SEMA7A: variants seen among roughly 807,000 people sequenced by gnomAD.
SEMA7A encodes the protein semaphorin-7A.
SEMA7A carries 21 observed loss-of-function variants against 67.5 expected under a neutral mutation model. The observed-to-expected ratio is 0.31, with a 90% CI of 0.22 to 0.45. The LOEUF (loss-of-function observed/expected upper bound fraction) is 0.45. SEMA7A is among the 20% of genes least tolerant of loss of function. The pLI is 1.00. For missense variants in SEMA7A, 774 were observed against 908.6 expected, an observed-to-expected ratio of 0.85 and a Z score of 1.90; for synonymous variants, 364 against 368.5, an observed-to-expected ratio of 0.99 and a Z score of 0.14.
chr15:74,426,804 T>C (rs937182283), intron 1 of SEMA7A, among the ~76,000 whole-genome samples: 1 of 152,170 alleles, frequency 6.6e-6, no homozygotes, highest in Admixed American at 6.5e-5. Context: ...GCTCTGAAGC[T>C]GACCACAGTG....
chr15:74,415,707 A>G, intron 8 of SEMA7A, 94 bp downstream of exon 8: 1 of 1,285,408 alleles, frequency 7.8e-7, no homozygotes, highest in South Asian at 1.5e-5. Context: ...TGCTCCTGCC[A>G]CACCAGGGAG....
chr15:74,411,537 G>A lies in SEMA7A; in HGVS notation c.1577+19C>T, dbSNP rs1345079184. The A allele has an allele frequency of 6.5e-7, 1 of 1,546,006 alleles. No homozygotes were observed. Among genetic ancestry groups the A allele is most frequent in the Non-Finnish European group, 8.7e-7 (1 of 1,144,348 alleles). ...CATGCCCACCTTCTCCCAGGGACGAGGGATCCCGGCCAACGTACCGTTCGG... is the reference window on the plus strand; with the variant it reads ...CATGCCCACCTTCTCCCAGGGACGAAGGATCCCGGCCAACGTACCGTTCGG... On this transcript the variant is annotated intron_variant, in intron 12 of 13. Coordinates refer to ENST00000261918, the MANE Select transcript of SEMA7A (RefSeq NM_003612.5). The surrounding 1 kb of genome is among the most constrained non-coding windows in gnomAD (Gnocchi z 4.4).
Position 74,417,385 on chromosome 15 carries a change from CG to C in SEMA7A, c.610del (p.Arg204AlafsTer82), listed in dbSNP as rs769164407. On this transcript the variant is annotated frameshift_variant, in exon 6 of 14. Transcript: ENST00000261918. LOFTEE classifies it high-confidence loss of function. The stretch of plus-strand genomic sequence containing the variant: ...CAGCTCACTCTCGCCCCGGATGCGG[CG>C]GAACCGAGGGATCTTCCCATTGTAT... ...QEYNGKIPRF[R>X]RIRGESELYT... The C allele has an allele frequency of 6.2e-7, 1 of 1,614,062 alleles. No individual in the cohort carries two copies. The highest frequency in any genetic ancestry group is 8.5e-7 in the Non-Finnish European group (1 of 1,180,008).
chr15:74,424,849 T>C (rs932583790), intron 1 of SEMA7A, among the ~76,000 whole-genome samples: 2 of 152,074 alleles, frequency 1.3e-5, no homozygotes, highest in Non-Finnish European at 2.9e-5. Flanking sequence ...GCCCAGCAGG[T>C]TCCAAAAGCC....
At chr15:74,418,561 G>A (rs1216670080) in intron 2 of SEMA7A, among the ~76,000 whole-genome samples, 5 of 152,154 alleles carry the variant, frequency 3.3e-5, no homozygotes, top group Admixed American at 6.5e-5. Context: ...TGGGCTTTCC[G>A]CAGCAGCGCT....
chr15:74,415,216 C>T (rs1248291121), intron 8 of SEMA7A, among the ~76,000 whole-genome samples: 1 of 152,188 alleles, frequency 6.6e-6, no homozygotes, highest in African/African-American at 2.4e-5. Flanking sequence ...ATAGGCTGAG[C>T]AGTTCTCTAG....
chr15:74,422,869 C>T (rs1008956229), intron 1 of SEMA7A, among the ~76,000 whole-genome samples: 14 of 152,358 alleles, frequency 9.2e-5, no homozygotes, highest in African/African-American at 3.4e-4. Context: ...CCGTCTGGCC[C>T]GCTGTCCCCA....
At chr15:74,428,582 C>T (rs1402089547) in intron 1 of SEMA7A, among the ~76,000 whole-genome samples, 1 of 152,210 alleles carries the variant, frequency 6.6e-6, no homozygotes, top group Non-Finnish European at 1.5e-5. Context: ...AGCCTCCTTT[C>T]TGGGCAGAAA....
chr15:74,411,336 T>C lies in SEMA7A; in HGVS notation c.1598A>G (p.Asn533Ser). 1 of 1,613,916 alleles carries C rather than the reference T, an allele frequency of 6.2e-7. No individual in the cohort carries two copies. Residue 533 changes from asparagine (N) to serine (S), a missense_variant, in exon 13 of 14, where the codon AAT becomes AGT. This residue lies in a region of SEMA7A where 427 missense variants were observed against 555.4 expected (regional missense o/e 0.77). Coordinates refer to ENST00000261918, the MANE Select transcript of SEMA7A (RefSeq NM_003612.5). The surrounding 1 kb of genome is among the most constrained non-coding windows in gnomAD (Gnocchi z 4.4). ...ACACTCCTTGTGTGGCTCGGCTGGA[T>C]TAATGGATTGCAGCACTGACCTGGA... Reference protein sequence around the residue: ...SSERSVLQSINPAEPHKECPN... With the variant: ...SSERSVLQSISPAEPHKECPN...
chr15:74,419,960 G>A (rs980683713), intron 1 of SEMA7A, among the ~76,000 whole-genome samples: 1 of 152,192 alleles, frequency 6.6e-6, no homozygotes, highest in East Asian at 1.9e-4. Context: ...GGGATGGCCT[G>A]TGGTTGTGCC....
In SEMA7A at chr15:74,411,601, C is replaced by T. The variant is rs1453479603; in HGVS notation, c.1532G>A (p.Cys511Tyr). 1 of 1,600,364 alleles carries T rather than the reference C, an allele frequency of 6.2e-7. No homozygotes were observed. Among genetic ancestry groups the T allele is most frequent in the Non-Finnish European group, 8.5e-7 (1 of 1,172,704 alleles). ...HGCLMSRDPYCGWDQGRCISI... is the reference protein window; with the variant it reads ...HGCLMSRDPYYGWDQGRCISI... ...GATGCAGCGGCCTTGGTCCCAGCCGCAGTAGGGGTCTCGGGACATGAGGCA... is the reference window on the plus strand; with the variant it reads ...GATGCAGCGGCCTTGGTCCCAGCCGTAGTAGGGGTCTCGGGACATGAGGCA... The change falls in exon 12 of 14, where the codon TGC becomes TAC. Residue 511 changes from cysteine (C) to tyrosine (Y), a missense_variant. Physicochemically the swap from Cys to Tyr is radical, Grantham distance 194. Transcript: ENST00000261918. This position sits in a 1 kb window ranked among gnomAD's most constrained non-coding sequence, Gnocchi z 4.4.
chr15:74,415,023 G>C, intron 8 of SEMA7A, 77 bp from the exon 9 acceptor site: 2 of 1,238,706 alleles, frequency 1.6e-6, no homozygotes, highest in Non-Finnish European at 2.3e-6. Flanking sequence ...GGCCAGCCTT[G>C]TGCCTGGCAC....
In SEMA7A at chr15:74,411,843, A is replaced by C. The variant is rs2060903396; in HGVS notation, c.1422+42T>G. On this transcript the variant is annotated intron_variant, in intron 11 of 13. Transcript: ENST00000261918. This position sits in a 1 kb window ranked among gnomAD's most constrained non-coding sequence, Gnocchi z 4.4. ...GCAAAGGAGCCCTGTCCTCAGCTGC[A>C]GTCACTGCATAGCCCATGGGACGCA... 6.2e-7 allele frequency: 1 copy of C among 1,610,840 alleles called. No individual in the cohort carries two copies. Among genetic ancestry groups the C allele is most frequent in the Non-Finnish European group, 8.5e-7 (1 of 1,178,536 alleles).
In SEMA7A at chr15:74,423,747, A is replaced by C. The variant is rs929508225; in HGVS notation, c.179-4795T>G. ...AATGGTGGAAGTGTAGGTGCCGTGC[A>C]TGTCAGAGTGGTAGAGGAAACCCTT... On this transcript the variant is annotated intron_variant, in intron 1 of 13. Coordinates refer to ENST00000261918, the MANE Select transcript of SEMA7A (RefSeq NM_003612.5). This position sits in a 1 kb window ranked among gnomAD's most constrained non-coding sequence, Gnocchi z 4.1. Among the ~76,000 whole-genome samples the C allele has an allele frequency of 9.2e-5, 14 of 152,186 alleles. No individual in the cohort carries two copies. Among genetic ancestry groups the C allele is most frequent in the Admixed American group, 8.5e-4 (13 of 15,282 alleles).
At chr15:74,413,906 G>A (rs947558984) in intron 10 of SEMA7A, among the ~76,000 whole-genome samples, 7 of 152,142 alleles carry the variant, frequency 4.6e-5, no homozygotes, top group Admixed American at 1.3e-4. Flanking sequence ...GGGAAGCTGC[G>A]ACAAACCCAA....
At chr15:74,427,771 G>A (rs2061055198) in intron 1 of SEMA7A, among the ~76,000 whole-genome samples, 1 of 152,140 alleles carries the variant, frequency 6.6e-6, no homozygotes, top group Non-Finnish European at 1.5e-5. Context: ...CTCACCTCCT[G>A]TCACAGTCCT....
chr15:74,422,790 C>T (rs925169165), intron 1 of SEMA7A, among the ~76,000 whole-genome samples: 1 of 152,228 alleles, frequency 6.6e-6, no homozygotes, highest in African/African-American at 2.4e-5. Context: ...GGGCCTCTGG[C>T]ATGCATTTCC....
At chr15:74,426,306 G>A (rs961490941) in intron 1 of SEMA7A, among the ~76,000 whole-genome samples, 1 of 151,980 alleles carries the variant, frequency 6.6e-6, no homozygotes, top group Non-Finnish European at 1.5e-5. Flanking sequence ...CAAACTCCCT[G>A]TGGAAAACTT....
intron 6 of SEMA7A, among the ~76,000 whole-genome samples, 193 bp downstream of exon 6, chr15:74,417,142 T>A (rs1286166773): frequency 2.6e-5 from 4 of 152,124 alleles, no homozygotes; most frequent in Non-Finnish European, 5.9e-5. Context: ...GCTGGGCCCA[T>A]CCCACTGCTA....
Sources: gnomAD v4.1 joint callset for allele counts (sites outside exome capture counted in the v4.1 genomes callset) on GRCh38, gnomAD v4.1.1 for gene constraint, gnomAD v4.1.1 regional missense constraint, Gnocchi (gnomAD v3.1) non-coding constraint, MANE v1.5 for transcripts, NCBI Gene and HGNC (gene_info 2026-07-23, HGNC 2026-07-21) for gene names.